PDZK1: variants seen among roughly 807,000 people sequenced by gnomAD.
PDZK1 encodes PDZ domain containing 1, also known as Na(+)/H(+) exchange regulatory cofactor NHE-RF3.
In PDZK1, 23 loss-of-function variants were observed where a neutral mutation model predicts 38.1. The ratio of observed to expected loss-of-function variants is 0.60; its 90% CI spans 0.43 to 0.85. The LOEUF (loss-of-function observed/expected upper bound fraction) is 0.85, where lower values mean the gene tolerates loss of function less well. Ranked by LOEUF, PDZK1 falls within the 40% of genes least tolerant of loss-of-function variation. PDZK1 has a pLI of 0.00. For synonymous variants in PDZK1, 98 were observed against 186.2 expected, an observed-to-expected ratio of 0.53 and a Z score of 3.86; for missense variants, 297 against 504.3, an observed-to-expected ratio of 0.59 and a Z score of 3.94.
chr1:145,676,457 C>T (rs1457083148), intron 6 of PDZK1, among the ~76,000 whole-genome samples: 5 of 151,772 alleles, frequency 3.3e-5, no homozygotes, highest in African/African-American at 9.7e-5. Flanking sequence ...ATGTGTGGCC[C>T]GGGCGTGTTG....
chr1:145,682,536 A>C lies in PDZK1; in HGVS notation c.561T>G (p.Asn187Lys). Residue 187 changes from asparagine to lysine, a missense_variant, in exon 4 of 9, where the codon AAT becomes AAG. Coordinates refer to ENST00000417171, the MANE Select transcript of PDZK1 (RefSeq NM_001201325.2). ...CTTCCTCATGGCTGGCATCCTCTAC[A>C]TTCTCTCCATTCACTTCAATCAAGT... is the stretch of plus-strand genomic sequence containing the variant. Reference protein sequence around the residue: ...DDHLIEVNGENVEDASHEEVV... With the variant: ...DDHLIEVNGEKVEDASHEEVV... 1.2e-6 allele frequency: 2 copies of C among 1,607,794 alleles called. No homozygotes were observed. Among genetic ancestry groups the C allele is most frequent in the Admixed American group, 3.3e-5 (2 of 59,776 alleles).
chr1:145,704,368 G>A (rs587691341), intron 1 of PDZK1, among the ~76,000 whole-genome samples: 1 of 152,296 alleles, frequency 6.6e-6, no homozygotes, highest in East Asian at 1.9e-4. Flanking sequence ...ACCTTCTCTA[G>A]TTGCCACTAA....
At chr1:145,699,743 A>G (rs1479153852) in intron 1 of PDZK1, among the ~76,000 whole-genome samples, 1 of 152,192 alleles carries the variant, frequency 6.6e-6, no homozygotes, top group Non-Finnish European at 1.5e-5. Flanking sequence ...TTTTGTTTCC[A>G]TCTTCCCCCA....
chr1:145,678,909 C>T lies in PDZK1; in HGVS notation c.794-264G>A, dbSNP rs183374425. On this transcript the variant is annotated intron_variant, in intron 5 of 8. Coordinates refer to ENST00000417171, the MANE Select transcript of PDZK1 (RefSeq NM_001201325.2). ...AAAATAATCCTGTTACTAAAAGCGT[C>T]TGACATTTGATTTTGGCAAAATAGC... Among the ~76,000 whole-genome samples the T allele has an allele frequency of 1.1e-4, 17 of 150,382 alleles. No individual in the cohort carries two copies. In the East Asian group the frequency reaches 2.5e-3, roughly 22 times the overall value.
chr1:145,679,843 C>G (rs587616910), intron 5 of PDZK1, among the ~76,000 whole-genome samples: 16 of 152,328 alleles, frequency 1.1e-4, no homozygotes, highest in African/African-American at 3.8e-4. Context: ...ATCAGTCTTG[C>G]ATAGAAGTCC....
intron 1 of PDZK1, among the ~76,000 whole-genome samples, chr1:145,691,143 C>T (rs1279515403): frequency 6.6e-6 from 1 of 152,130 alleles, no homozygotes; most frequent in Non-Finnish European, 1.5e-5. Context: ...CTGCATGTAC[C>T]CAGGCCAAAC....
intron 1 of PDZK1, among the ~76,000 whole-genome samples, chr1:145,693,598 C>G (rs1553703709): frequency 6.6e-6 from 1 of 151,926 alleles, no homozygotes; most frequent in Non-Finnish European, 1.5e-5. Flanking sequence ...CACCGTGAAA[C>G]CCCGTCTCTA....
chr1:145,688,121 C>T, intron 1 of PDZK1, 98 bp from the exon 2 acceptor site: 1 of 1,058,988 alleles, frequency 9.4e-7, no homozygotes, highest in South Asian at 1.3e-5. Context: ...TTCTTCCAAT[C>T]ACCAAATCTA....
chr1:145,681,492 G>C (rs1262159977), intron 4 of PDZK1, among the ~76,000 whole-genome samples: 1 of 149,090 alleles, frequency 6.7e-6, no homozygotes, highest in Admixed American at 6.6e-5. Flanking sequence ...GTTTCACCTT[G>C]TTAGCCAGGA....
In PDZK1 at chr1:145,673,758, C is replaced by T. The variant is rs185904336; in HGVS notation, c.1114G>A (p.Val372Ile). Residue 372 changes from valine to isoleucine, a missense_variant, in exon 7 of 9, where the codon GTA (valine) becomes ATA (isoleucine). Physicochemically the swap from Val to Ile is conservative, Grantham distance 29. Transcript: ENST00000417171. ...CTGCAGAGTTTAGGCTTATGATCTA[C>T]TTCCTCTGTAGTATCTGGTGGACTT... ...VSSPPDTTEE[V>I]DHKPKLCRLA... 3.1e-5 allele frequency: 50 copies of T among 1,611,898 alleles called. No homozygotes were observed. The East Asian group carries it at 9.4e-4, about 30-fold the overall frequency.
At chr1:145,685,359 G>A (rs1654659439) in intron 3 of PDZK1, among the ~76,000 whole-genome samples, 1 of 152,124 alleles carries the variant, frequency 6.6e-6, no homozygotes, top group Non-Finnish European at 1.5e-5. Flanking sequence ...TTATATATTT[G>A]TCATGAAGAG....
At chr1:145,688,841 C>G (rs1383911899) in intron 1 of PDZK1, among the ~76,000 whole-genome samples, 1 of 152,072 alleles carries the variant, frequency 6.6e-6, no homozygotes, top group Admixed American at 6.5e-5. Flanking sequence ...CACCTGTTGT[C>G]CCAGCTATTC....
chr1:145,676,774 A>T (rs1268047181), intron 6 of PDZK1, among the ~76,000 whole-genome samples: 1 of 152,016 alleles, frequency 6.6e-6, no homozygotes, highest in Non-Finnish European at 1.5e-5. Context: ...TAGCCTTTCA[A>T]ATTCTTGAAG....
intron 6 of PDZK1, among the ~76,000 whole-genome samples, chr1:145,676,548 A>C (rs1653687983): frequency 6.7e-6 from 1 of 149,882 alleles, no homozygotes; most frequent in Admixed American, 6.6e-5. Flanking sequence ...ATCCTGGCCA[A>C]CATGGTAAAA....
chr1:145,700,649 G>A (rs1553704851), intron 1 of PDZK1, among the ~76,000 whole-genome samples: 1 of 152,168 alleles, frequency 6.6e-6, no homozygotes, highest in Non-Finnish European at 1.5e-5. Flanking sequence ...TGTCACCAGC[G>A]ATGGCCAGAT....
intron 1 of PDZK1, among the ~76,000 whole-genome samples, chr1:145,699,474 G>A (rs797023274): frequency 7.2e-5 from 11 of 152,280 alleles, no homozygotes; most frequent in African/African-American, 2.6e-4. Flanking sequence ...AAGGGGCACA[G>A]AGCTGGAATG....
At chr1:145,697,698 A>G (rs912591574) in intron 1 of PDZK1, among the ~76,000 whole-genome samples, 1 of 151,226 alleles carries the variant, frequency 6.6e-6, no homozygotes, top group Non-Finnish European at 1.5e-5. Flanking sequence ...CCCAGATTCA[A>G]GCAAGTCTCC....
intron 1 of PDZK1, 113 bp from the exon 2 acceptor site, chr1:145,688,136 G>C (rs1654957165): frequency 2.2e-6 from 2 of 899,618 alleles, no homozygotes; most frequent in African/African-American, 1.7e-5. Flanking sequence ...AATCTAGACT[G>C]CTTGGGTAGT....
At chr1:145,688,941 AGAGT>A in intron 1 of PDZK1, among the ~76,000 whole-genome samples, 1 of 152,148 alleles carries the variant, frequency 6.6e-6, no homozygotes, top group East Asian at 1.9e-4. Flanking sequence ...CCTGGGCAAT[AGAGT>A]GAGACTCTGC....
Sources: gnomAD v4.1 joint callset for allele counts (sites outside exome capture counted in the v4.1 genomes callset) on GRCh38, gnomAD v4.1.1 for gene constraint, MANE v1.5 for transcripts, NCBI Gene and HGNC (gene_info 2026-07-23, HGNC 2026-07-21) for gene names.